ENOX1: variants seen among roughly 807,000 people sequenced by gnomAD.
The protein encoded by ENOX1 is ecto-NOX disulfide-thiol exchanger 1, also known as candidate growth-related and time keeping constitutive hydroquinone (NADH) oxidase.
In ENOX1, 42 loss-of-function variants were observed where a neutral mutation model predicts 82.5. The ratio of observed to expected loss-of-function variants is 0.51; its 90% CI spans 0.40 to 0.66. ENOX1 has a LOEUF of 0.66. ENOX1 is among the 30% of genes least tolerant of loss of function. The probability of loss-of-function intolerance (pLI) is 0.00; values close to 1 mark genes in which losing one functional copy is unlikely to be tolerated. For missense variants in ENOX1, 608 were observed against 811.6 expected, an observed-to-expected ratio of 0.75 and a Z score of 3.05; for synonymous variants, 271 against 282.2, an observed-to-expected ratio of 0.96 and a Z score of 0.40.
intron 8 of ENOX1, among the ~76,000 whole-genome samples, chr13:43,353,889 C>T (rs1271385054): frequency 6.6e-6 from 1 of 152,260 alleles, no homozygotes; most frequent in Non-Finnish European, 1.5e-5. Context: ...TTGCAAATTA[C>T]TTTACCAAAT....
intron 15 of ENOX1, among the ~76,000 whole-genome samples, chr13:43,235,223 G>A (rs2042475484): frequency 6.6e-6 from 1 of 152,130 alleles, no homozygotes; most frequent in Non-Finnish European, 1.5e-5. Flanking sequence ...TGCATGGCAT[G>A]TTATTACAGC....
intron 2 of ENOX1, among the ~76,000 whole-genome samples, chr13:43,521,821 C>A (rs767395484): frequency 6.6e-6 from 1 of 152,026 alleles, no homozygotes; most frequent in Non-Finnish European, 1.5e-5. Context: ...GCTCAGTGGA[C>A]GGTGTAGGCT....
chr13:43,660,423 G>T (rs2084661939), intron 2 of ENOX1, among the ~76,000 whole-genome samples: 1 of 152,068 alleles, frequency 6.6e-6, no homozygotes, highest in Admixed American at 6.5e-5. Context: ...ATTGAAATGG[G>T]GATTACTCTT....
At chr13:43,744,803 C>T (rs1949932251) in intron 1 of ENOX1, among the ~76,000 whole-genome samples, 1 of 152,186 alleles carries the variant, frequency 6.6e-6, no homozygotes, top group South Asian at 2.1e-4. Context: ...CCTCCACTGA[C>T]CTTGAACCCA....
intron 1 of ENOX1, among the ~76,000 whole-genome samples, chr13:43,669,893 T>C (rs1266039040): frequency 2.6e-5 from 4 of 152,198 alleles, no homozygotes; most frequent in African/African-American, 9.6e-5. Context: ...AGTACTTGGC[T>C]GTTGTACTGA....
chr13:43,724,287 G>A (rs1470002898), intron 1 of ENOX1, among the ~76,000 whole-genome samples: 1 of 152,166 alleles, frequency 6.6e-6, no homozygotes, highest in East Asian at 1.9e-4. Context: ...AATAGGAGTG[G>A]CATATCTATC....
At chr13:43,644,759 G>A (rs1286807658) in intron 2 of ENOX1, among the ~76,000 whole-genome samples, 1 of 152,168 alleles carries the variant, frequency 6.6e-6, no homozygotes, top group Non-Finnish European at 1.5e-5. Flanking sequence ...ATTAGGAATT[G>A]GCAGAGTTGG....
chr13:43,643,898 T>C (rs2083777315), intron 2 of ENOX1, among the ~76,000 whole-genome samples: 1 of 152,120 alleles, frequency 6.6e-6, no homozygotes, highest in Non-Finnish European at 1.5e-5. Context: ...TAGCTGCTTA[T>C]TTTAAGGAGT....
chr13:43,547,734 A>C (rs2079032172), intron 2 of ENOX1: 1 of 152,246 alleles, frequency 6.6e-6, no homozygotes, highest in South Asian at 2.1e-4. Context: ...TTCTGCCTAA[A>C]TATATCCACA....
At chr13:43,357,392 G>A (rs2050223096) in intron 7 of ENOX1, among the ~76,000 whole-genome samples, 1 of 152,154 alleles carries the variant, frequency 6.6e-6, no homozygotes, top group African/African-American at 2.4e-5. Context: ...ATAAGATATT[G>A]ACTTCACATC....
rs983455848 is a variant in ENOX1 at position 43,639,215 on chromosome 13, T to G, written c.-219+28264A>C. Among the ~76,000 whole-genome samples, 23 of 152,200 alleles carry G rather than the reference T, an allele frequency of 1.5e-4. No individual in the cohort carries two copies. The East Asian group carries it at 4.3e-3, about 28-fold the overall frequency. On this transcript the variant is annotated intron_variant, in intron 2 of 16. Transcript: ENST00000690772. ...TACTCAGGAGGCTGAGGCAGGAGAA[T>G]TGCTTGAACCCGGGAGGCGGAGGTT...
At chr13:43,709,857 A>G (rs1415865610) in intron 1 of ENOX1, among the ~76,000 whole-genome samples, 1 of 152,186 alleles carries the variant, frequency 6.6e-6, no homozygotes, top group Non-Finnish European at 1.5e-5. Flanking sequence ...TAAAAAACAG[A>G]ACCGGAAATA....
At chr13:43,539,071 C>T (rs2078596840) in intron 2 of ENOX1, among the ~76,000 whole-genome samples, 2 of 152,164 alleles carry the variant, frequency 1.3e-5, no homozygotes, top group Non-Finnish European at 2.9e-5. Flanking sequence ...GATCTTCCTG[C>T]CTCGGCCTCC....
intron 12 of ENOX1, among the ~76,000 whole-genome samples, chr13:43,286,234 T>C (rs1456849956): frequency 6.6e-6 from 1 of 152,164 alleles, no homozygotes; most frequent in African/African-American, 2.4e-5. Context: ...AAGATGACAA[T>C]GGTCAGCGTG....
intron 1 of ENOX1, among the ~76,000 whole-genome samples, chr13:43,733,984 A>G (rs1040824580): frequency 1.3e-5 from 2 of 152,150 alleles, no homozygotes; most frequent in African/African-American, 4.8e-5. Flanking sequence ...AAAAGAAAAG[A>G]AAAGAAAGAA....
At chr13:43,219,844 G>A (rs1389332302) in intron 16 of ENOX1, among the ~76,000 whole-genome samples, 1 of 152,264 alleles carries the variant, frequency 6.6e-6, no homozygotes, top group Non-Finnish European at 1.5e-5. Flanking sequence ...GCCTGGTGAA[G>A]AGGGGCTCCT....
chr13:43,228,403 T>C (rs1054949771), intron 15 of ENOX1, among the ~76,000 whole-genome samples: 1 of 152,042 alleles, frequency 6.6e-6, no homozygotes, highest in African/African-American at 2.4e-5. Flanking sequence ...GGAAAAAAAA[T>C]TTTAAGTGCC....
At chr13:43,537,559 T>G (rs2078517449) in intron 2 of ENOX1, among the ~76,000 whole-genome samples, 1 of 152,246 alleles carries the variant, frequency 6.6e-6, no homozygotes, top group Non-Finnish European at 1.5e-5. Context: ...GAAGTAATGA[T>G]GACTGCGATA....
chr13:43,779,826 A>C (rs560224701), intron 1 of ENOX1, among the ~76,000 whole-genome samples: 6 of 152,298 alleles, frequency 3.9e-5, no homozygotes, highest in African/African-American at 1.4e-4. Flanking sequence ...CCCTGCAAGC[A>C]GCATGTTCTC....
Sources: allele counts gnomAD v4.1 joint callset (sites outside exome capture counted in the v4.1 genomes callset), GRCh38; gene constraint gnomAD v4.1.1; transcripts MANE v1.5; gene names NCBI Gene and HGNC (gene_info 2026-07-23, HGNC 2026-07-21).